The following GRM8 variants were observed in gnomAD, a reference collection of about 807,000 sequenced individuals.
GRM8 encodes metabotropic glutamate receptor 8.
GRM8 carries 47 observed loss-of-function variants against 87.2 expected under a neutral mutation model. The observed-to-expected ratio is 0.54, with a 90% CI of 0.43 to 0.69. The LOEUF (loss-of-function observed/expected upper bound fraction) is 0.69. GRM8 is among the 30% of genes least tolerant of loss of function. GRM8 has a pLI of 0.00. For missense variants in GRM8, 1,019 were observed against 1,139.2 expected, an observed-to-expected ratio of 0.89 and a Z score of 1.52; for synonymous variants, 396 against 404.5, an observed-to-expected ratio of 0.98 and a Z score of 0.25.
At chr7:126,553,162 A>T (rs1453097707) in intron 8 of GRM8, among the ~76,000 whole-genome samples, 1 of 152,136 alleles carries the variant, frequency 6.6e-6, no homozygotes, top group African/African-American at 2.4e-5. Context: ...AATGTGATGT[A>T]TCCCCTACTT....
At chr7:126,736,763 C>CT (rs1814275490) in intron 7 of GRM8, among the ~76,000 whole-genome samples, 1 of 152,026 alleles carries the variant, frequency 6.6e-6, no homozygotes, top group Non-Finnish European at 1.5e-5. Context: ...ATTGGAAAAT[C>CT]TTTAAGTCAA....
At chr7:126,451,267 C>T (rs1802588386) in intron 9 of GRM8, among the ~76,000 whole-genome samples, 1 of 151,800 alleles carries the variant, frequency 6.6e-6, no homozygotes, top group East Asian at 2.0e-4. Flanking sequence ...TCTACCCTAT[C>T]TCATTAATAC....
intron 6 of GRM8, among the ~76,000 whole-genome samples, chr7:126,821,652 T>C (rs1794313324): frequency 6.6e-6 from 1 of 152,198 alleles, no homozygotes; most frequent in Non-Finnish European, 1.5e-5. Flanking sequence ...TTCTTTTTTC[T>C]TAGCTAATTT....
At chr7:126,775,867 C>G (rs1819417199) in intron 6 of GRM8, among the ~76,000 whole-genome samples, 1 of 152,046 alleles carries the variant, frequency 6.6e-6, no homozygotes, top group Non-Finnish European at 1.5e-5. Flanking sequence ...TGGGGTTCCT[C>G]ATCCCTCCAG....
At chr7:127,124,899 T>C (rs1587084528) in intron 2 of GRM8, among the ~76,000 whole-genome samples, 1 of 152,122 alleles carries the variant, frequency 6.6e-6, no homozygotes, top group South Asian at 2.1e-4. Context: ...AAAACCATAA[T>C]TGGTGTAGAA....
chr7:126,790,827 A>G (rs1249947972), intron 6 of GRM8, among the ~76,000 whole-genome samples: 1 of 152,158 alleles, frequency 6.6e-6, no homozygotes, highest in Non-Finnish European at 1.5e-5. Context: ...GCAGACAGTA[A>G]TGCCTGGTGA....
intron 7 of GRM8, among the ~76,000 whole-genome samples, chr7:126,743,890 G>A (rs1450851681): frequency 7.1e-6 from 1 of 140,470 alleles, no homozygotes; most frequent in Non-Finnish European, 1.6e-5. Context: ...GTTGACATTT[G>A]CACTTATGGT....
intron 7 of GRM8, among the ~76,000 whole-genome samples, chr7:126,704,927 G>T (rs2151409348): frequency 6.6e-6 from 1 of 152,186 alleles, no homozygotes; most frequent in African/African-American, 2.4e-5. Context: ...CTATTACCTT[G>T]TGAAGTACGT....
chr7:126,739,994 C>T (rs1814760780), intron 7 of GRM8, among the ~76,000 whole-genome samples: 1 of 152,000 alleles, frequency 6.6e-6, no homozygotes, highest in Admixed American at 6.6e-5. Context: ...GATGTTTGCA[C>T]AGTGACAAAA....
chr7:126,870,865 CTCT>C lies in GRM8; in HGVS notation c.1156+31674_1156+31676del, dbSNP rs552568412. Among the ~76,000 whole-genome samples, 508 of 152,266 alleles carry C rather than the reference CTCT, an allele frequency of 3.3e-3. 3 individuals are homozygous for C. The highest frequency in any genetic ancestry group is 0.012 in the African/African-American group (486 of 41,562). ...CTTGCTTGATGTAGGGTTGCCACAG[CTCT>C]TCAATTTGTAAAAAATGCAAAAACT... is the stretch of plus-strand genomic sequence containing the variant. On this transcript the variant is annotated intron_variant, in intron 6 of 10. Transcript: ENST00000339582.
At chr7:126,957,671 C>A (rs1312446738) in intron 3 of GRM8, among the ~76,000 whole-genome samples, 1 of 152,218 alleles carries the variant, frequency 6.6e-6, no homozygotes, top group Non-Finnish European at 1.5e-5. Flanking sequence ...CCTCAGCCCC[C>A]TCTGGACTTT....
At chr7:126,458,820 C>A in intron 9 of GRM8, among the ~76,000 whole-genome samples, 1 of 149,784 alleles carries the variant, frequency 6.7e-6, no homozygotes, top group Non-Finnish European at 1.5e-5. Flanking sequence ...AAATATCATC[C>A]CTGTAAGTAA....
At chr7:126,879,632 T>C (rs1247424787) in intron 6 of GRM8, among the ~76,000 whole-genome samples, 1 of 152,178 alleles carries the variant, frequency 6.6e-6, no homozygotes, top group Non-Finnish European at 1.5e-5. Flanking sequence ...ACATACATTA[T>C]CATATTTGTT....
At chr7:126,805,870 CT>C (rs1792627241) in intron 6 of GRM8, among the ~76,000 whole-genome samples, 1 of 152,160 alleles carries the variant, frequency 6.6e-6, no homozygotes. Flanking sequence ...ATAGTTTGAG[CT>C]GGTCTCACAG....
chr7:127,246,417 G>C (rs1798585590), intron 1 of GRM8, among the ~76,000 whole-genome samples: 1 of 152,224 alleles, frequency 6.6e-6, no homozygotes, highest in Admixed American at 6.5e-5. Flanking sequence ...TGTGGCAGAA[G>C]CGGGGACTGT....
chr7:126,988,808 C>T (rs1328715271), intron 3 of GRM8, among the ~76,000 whole-genome samples: 1 of 152,146 alleles, frequency 6.6e-6, no homozygotes, highest in African/African-American at 2.4e-5. Context: ...GCATTTCTGT[C>T]CAATTTGACC....
Position 127,182,707 on chromosome 7 carries a change from T to C in GRM8, c.510+59988A>G, listed in dbSNP as rs1220964337. On this transcript the variant is annotated intron_variant, in intron 2 of 10. Coordinates refer to ENST00000339582, the MANE Select transcript of GRM8 (RefSeq NM_000845.3). ...TATAGACAGATATATGATGGAATAC[T>C]ATGCAGCCATAAAAATGGATAAATT... Among the ~76,000 whole-genome samples, 6 of 150,780 alleles carry C rather than the reference T, an allele frequency of 4.0e-5. No homozygotes were observed. The Admixed American group carries it at 4.0e-4, about 10-fold the overall frequency.
chr7:126,736,002 T>G (rs1398369479), intron 7 of GRM8, among the ~76,000 whole-genome samples: 1 of 152,034 alleles, frequency 6.6e-6, no homozygotes, highest in Non-Finnish European at 1.5e-5. Flanking sequence ...ATACCTTAAA[T>G]AGAAGTGCAC....
chr7:126,571,562 C>T (rs1794692999), intron 8 of GRM8, among the ~76,000 whole-genome samples: 1 of 152,068 alleles, frequency 6.6e-6, no homozygotes, highest in African/African-American at 2.4e-5. Flanking sequence ...AGTGTGTGTG[C>T]TGGCCCTTCC....
Sources: gnomAD v4.1 joint callset for allele counts (sites outside exome capture counted in the v4.1 genomes callset) on GRCh38, gnomAD v4.1.1 for gene constraint, MANE v1.5 for transcripts, NCBI Gene and HGNC (gene_info 2026-07-23, HGNC 2026-07-21) for gene names.